The following SMG5 variants were observed in gnomAD, a reference collection of about 807,000 sequenced individuals.
SMG5 encodes nonsense-mediated mRNA decay factor SMG5.
A neutral mutation model predicts 122.9 loss-of-function variants in SMG5; 53 were observed. That is an observed-to-expected ratio of 0.43 (90% CI 0.35 to 0.54). The LOEUF (loss-of-function observed/expected upper bound fraction) is 0.54. SMG5 is among the 20% of genes least tolerant of loss of function. SMG5 has a pLI of 0.01. For missense variants in SMG5, 1,153 were observed against 1,285.6 expected, an observed-to-expected ratio of 0.90 and a Z score of 1.58; for synonymous variants, 477 against 490.2, an observed-to-expected ratio of 0.97 and a Z score of 0.35.
At chr1:156,284,088 T>G (rs1663075819), upstream of SMG5, among the ~76,000 whole-genome samples, 1 of 152,216 alleles carries the variant, frequency 6.6e-6, no homozygotes, top group Admixed American at 6.5e-5. Flanking sequence ...AATCCACTTT[T>G]CTCCCTCTGC....
At chr1:156,277,330 TG>T in intron 3 of SMG5, 89 bp from the exon 4 acceptor site, 1 of 1,408,438 alleles carries the variant, frequency 7.1e-7, no homozygotes, top group Non-Finnish European at 9.6e-7. Context: ...CACTTGGCTC[TG>T]GAACTTCATC....
chr1:156,286,008 C>A, upstream of SMG5: 2 of 1,579,658 alleles, frequency 1.3e-6, no homozygotes, highest in Non-Finnish European at 8.6e-7. Flanking sequence ...AGAAAGGGGG[C>A]ATCGGGAAGT....
intron 5 of SMG5, among the ~76,000 whole-genome samples, chr1:156,273,700 CTTTTTTTGTTTTGTTTTCTT>C (rs1662544013): frequency 7.3e-6 from 1 of 137,638 alleles, no homozygotes; most frequent in South Asian, 2.4e-4. Flanking sequence ...ATAAGCTCTT[CTTTTTTTGTTTTGTTTTCTT>C]TTTTTTTTTT....
At chr1:156,272,732 A>G (rs541034927) in intron 6 of SMG5, among the ~76,000 whole-genome samples, 1 of 151,998 alleles carries the variant, frequency 6.6e-6, no homozygotes, top group East Asian at 1.9e-4. Context: ...ACCCACCACC[A>G]TGCCCGGCTA....
rs1311728782 is a variant in SMG5 at position 156,251,511 on chromosome 1, C to G, written c.2754-34G>C. ...GAGATGTGCGAGTGGAGGTCAGGAGCAGGAGACTGGCAGGGTGCCTTACAC... is the reference window on the plus strand; with the variant it reads ...GAGATGTGCGAGTGGAGGTCAGGAGGAGGAGACTGGCAGGGTGCCTTACAC... On this transcript the variant is annotated intron_variant, in intron 19 of 21. Transcript: ENST00000361813. 4.4e-6 allele frequency: 7 copies of G among 1,608,000 alleles called. No homozygotes were observed. The Admixed American group carries it at 5.0e-5, about 11-fold the overall frequency.
Position 156,260,775 on chromosome 1 carries a change from G to A in SMG5, c.2108-149C>T, listed in dbSNP as rs988855259. 6.0e-6 allele frequency: 4 copies of A among 661,458 alleles called. No individual in the cohort carries two copies. The South Asian group carries it at 1.1e-4, about 17-fold the overall frequency. 41.0% of individuals were successfully genotyped at this position (661,458 alleles called of 1,614,324 possible). ...AGTGCGGAGAGATGGAGGGAGTGAAGTAAAGAGAGATGGACACATAAGAGC... is the reference window on the plus strand; with the variant it reads ...AGTGCGGAGAGATGGAGGGAGTGAAATAAAGAGAGATGGACACATAAGAGC... On this transcript the variant is annotated intron_variant, in intron 14 of 21. Transcript: ENST00000361813.
At position 156,266,167 on chromosome 1, in the gene SMG5, C is replaced by A. The variant is rs1157452877; in HGVS notation, c.1469G>T (p.Ser490Ile). 2 of 1,614,152 alleles carry A rather than the reference C, an allele frequency of 1.2e-6. No homozygotes were observed. The highest frequency in any genetic ancestry group is 2.7e-5 in the African/African-American group (2 of 74,952). Residue 490 changes from serine (S) to isoleucine (I), a missense_variant, in exon 12 of 22, where the codon AGT becomes ATT. Ser to Ile is a moderately radical substitution (Grantham distance 142). Around this residue, in one of 5 missense-constraint regions of SMG5, gnomAD observed 631 missense variants for 650.6 expected, o/e 0.97. Transcript: ENST00000361813. Reference sequence around the variant, plus strand: ...GTCAGAGCCACTGTCTGAGCCCTCACTGGCCCGGGCTGAGTCATGGCTTGA... The same window carrying A: ...GTCAGAGCCACTGTCTGAGCCCTCAATGGCCCGGGCTGAGTCATGGCTTGA... ...SDSSHDSARA[S>I]EGSDSGSDKS...
chr1:156,273,468 C>T lies in SMG5; in HGVS notation c.545-18G>A, dbSNP rs778394825. The T allele has an allele frequency of 1.5e-5, 24 of 1,610,504 alleles. No individual in the cohort carries two copies. The African/African-American group carries it at 2.5e-4, about 17-fold the overall frequency. ...ATATCGGGCTGCACAAGAGAGAAAACGAAGGGAAACTCGATGATTTTAAGT... is the reference window on the plus strand; with the variant it reads ...ATATCGGGCTGCACAAGAGAGAAAATGAAGGGAAACTCGATGATTTTAAGT... On this transcript the variant is annotated intron_variant, in intron 5 of 21. Transcript: ENST00000361813.
intron 1 of SMG5, among the ~76,000 whole-genome samples, chr1:156,281,513 T>G (rs939415828): frequency 2.0e-5 from 3 of 152,174 alleles, no homozygotes; most frequent in African/African-American, 7.2e-5. Context: ...ACTTTTCTAT[T>G]TTTGGAGCAG....
intron 3 of SMG5, 80 bp from the exon 4 acceptor site, chr1:156,277,321 A>C: frequency 4.6e-5 from 68 of 1,471,742 alleles, no homozygotes; most frequent in Non-Finnish European, 5.7e-5. Context: ...TGTTCATCTC[A>C]CTTGGCTCTG....
At chr1:156,257,079 A>G (rs1661611167) in intron 16 of SMG5, among the ~76,000 whole-genome samples, 1 of 151,960 alleles carries the variant, frequency 6.6e-6, no homozygotes, top group Admixed American at 6.6e-5. Flanking sequence ...GGCACCTGCC[A>G]CCATGCCCGG....
intron 18 of SMG5, 32 bp from the exon 19 acceptor site, chr1:156,252,536 A>G (rs1021359144): frequency 1.2e-6 from 2 of 1,606,222 alleles, no homozygotes; most frequent in South Asian, 1.1e-5. Flanking sequence ...GACAAAACAG[A>G]TAAGCTCAGA....
In SMG5 at chr1:156,250,537, G is replaced by A. The variant is rs776311674; in HGVS notation, c.*50C>T. 2 of 1,517,584 alleles carry A rather than the reference G, an allele frequency of 1.3e-6. No homozygotes were observed. Among genetic ancestry groups the A allele is most frequent in the Admixed American group, 3.3e-5 (2 of 59,864 alleles). 94.0% of individuals were successfully genotyped at this position (1,517,584 alleles called of 1,614,324 possible). A position where few individuals can be genotyped will look rare whatever the true frequency, so the allele number is the denominator to read the frequency against. On this transcript the variant is annotated 3_prime_UTR_variant, in exon 22 of 22. Transcript: ENST00000361813. ...AGGTGCTGGTCCTGGCTGCCAGGGA[G>A]GGCAGGAGAGATCTGGAGTCAGCCC... is the stretch of plus-strand genomic sequence containing the variant.
At position 156,279,005 on chromosome 1, in the gene SMG5, T is replaced by C. The variant is rs148439387; in HGVS notation, c.104A>G (p.Asp35Gly). 7 of 1,613,984 alleles carry C rather than the reference T, an allele frequency of 4.3e-6. No individual in the cohort carries two copies. In the African/African-American group the frequency reaches 9.3e-5, roughly 22 times the overall value. ...AGCAGTTTTGTTGCAAAGGATGAGG[T>C]CAAGTCGATGCACAGCCTCCACCAC... is the stretch of plus-strand genomic sequence containing the variant. The part of the protein sequence containing the change: ...RAVVEAVHRL[D>G]LILCNKTAYQ... Residue 35 changes from aspartate to glycine, a missense_variant, in exon 2 of 22, where the codon GAC becomes GGC. Around this residue, in one of 5 missense-constraint regions of SMG5, gnomAD observed 213 missense variants for 197.5 expected, o/e 1.08. Coordinates refer to ENST00000361813, the MANE Select transcript of SMG5 (RefSeq NM_015327.3).
intron 12 of SMG5, 146 bp downstream of exon 12, chr1:156,265,635 A>C (rs1179008260): frequency 1.6e-5 from 20 of 1,241,610 alleles, no homozygotes; most frequent in Non-Finnish European, 2.2e-5. Flanking sequence ...CTCAGGAAAA[A>C]ACTCATGGGC....
At position 156,274,663 on chromosome 1, in the gene SMG5, A is replaced by T; in HGVS notation, c.478T>A (p.Ser160Thr). 6.2e-7 allele frequency: 1 copy of T among 1,613,950 alleles called. No individual in the cohort carries two copies. Among genetic ancestry groups the T allele is most frequent in the Non-Finnish European group, 8.5e-7 (1 of 1,179,856 alleles). The change falls in exon 5 of 22, where the codon TCA becomes ACA. Residue 160 changes from serine (S) to threonine (T), a missense_variant. Physicochemically the swap from Ser to Thr is moderately conservative, Grantham distance 58. Around this residue, in one of 5 missense-constraint regions of SMG5, gnomAD observed 213 missense variants for 197.5 expected, o/e 1.08. Coordinates refer to ENST00000361813, the MANE Select transcript of SMG5 (RefSeq NM_015327.3). The stretch of plus-strand genomic sequence containing the variant: ...TGTGCCCAATCCATCTCCTTCCCTG[A>T]GGCAGACACTGGCTTCTTGCATCCT... ...LIGCKKPVSA[S>T]GKEMDWAQMA...
At chr1:156,254,352 G>T (rs545201296) in intron 16 of SMG5, among the ~76,000 whole-genome samples, 56 of 152,308 alleles carry the variant, frequency 3.7e-4, no homozygotes, top group Admixed American at 3.1e-3. Flanking sequence ...TATGGGTAAA[G>T]CCCAAATTCC....
In SMG5 at chr1:156,252,448, G is replaced by T; in HGVS notation, c.2719C>A (p.Arg907=). The change falls in exon 19 of 22, where the codon CGG becomes AGG. Residue 907 remains arginine, a synonymous_variant. Coordinates refer to ENST00000361813, the MANE Select transcript of SMG5 (RefSeq NM_015327.3). The part of the protein sequence containing the change: ...KEHPGARDGI[R]YLEAEFKKGN... Reference sequence around the variant, plus strand: ...TTTTTAAACTCTGCCTCCAGGTACCGAATCCCATCCCGGGCCCCTGGGTGT... The same window carrying T: ...TTTTTAAACTCTGCCTCCAGGTACCTAATCCCATCCCGGGCCCCTGGGTGT... The T allele has an allele frequency of 6.2e-7, 1 of 1,613,920 alleles. No individual in the cohort carries two copies. The highest frequency in any genetic ancestry group is 8.5e-7 in the Non-Finnish European group (1 of 1,179,990).
intron 1 of SMG5, among the ~76,000 whole-genome samples, chr1:156,281,024 A>G (rs1662911848): frequency 1.3e-5 from 2 of 152,202 alleles, no homozygotes; most frequent in Non-Finnish European, 1.5e-5. Flanking sequence ...AGAGTTCCCC[A>G]AATTTCTGAA....
Sources: allele counts gnomAD v4.1 joint callset (sites outside exome capture counted in the v4.1 genomes callset), GRCh38; gene constraint gnomAD v4.1.1; regional missense constraint gnomAD v4.1.1; transcripts MANE v1.5; gene names NCBI Gene and HGNC (gene_info 2026-07-23, HGNC 2026-07-21).